Variants in AGAP1 observed in about 807,000 individuals in gnomAD.
The protein encoded by AGAP1 is ArfGAP with GTPase domain, ankyrin repeat and PH domain 1.
In AGAP1, 29 loss-of-function variants were observed where a neutral mutation model predicts 105.3. The observed-to-expected ratio is 0.28, with a 90% CI of 0.21 to 0.38. The LOEUF (loss-of-function observed/expected upper bound fraction) is 0.38. AGAP1 is among the 10% of genes least tolerant of loss of function. The probability of loss-of-function intolerance (pLI) is 1.00; values close to 1 mark genes in which losing one functional copy is unlikely to be tolerated. For missense variants in AGAP1, 998 were observed against 1,165.1 expected, an observed-to-expected ratio of 0.86 and a Z score of 2.09; for synonymous variants, 509 against 485.9, an observed-to-expected ratio of 1.05 and a Z score of -0.63.
intron 16 of AGAP1, among the ~76,000 whole-genome samples, chr2:236,111,388 C>T (rs1024536848): frequency 2.0e-5 from 3 of 151,798 alleles, no homozygotes; most frequent in African/African-American, 4.8e-5. Flanking sequence ...TGGTGGCACA[C>T]GCCTGTAGTT....
chr2:236,128,956 C>T lies in AGAP1; in HGVS notation c.*4834C>T, dbSNP rs79049988. 1.3e-5 allele frequency: 2 copies of T among 152,196 alleles called. No homozygotes were observed. Among genetic ancestry groups the T allele is most frequent in the African/African-American group, 4.8e-5 (2 of 41,448 alleles). 9.4% of individuals were successfully genotyped at this position (152,196 alleles called of 1,614,324 possible). A position where few individuals can be genotyped will look rare whatever the true frequency, so the allele number is the denominator to read the frequency against. On this transcript the variant is annotated 3_prime_UTR_variant, in exon 18 of 18. Transcript: ENST00000304032. This position sits in a 1 kb window ranked among gnomAD's most constrained non-coding sequence, Gnocchi z 5.9. ...ATTGAAAAGCAGTCAAGGAGGAGTT[C>T]AGATAGAAAAGTGCTGGAGATACAC...
At chr2:235,933,009 C>G (rs1357831858) in intron 12 of AGAP1, among the ~76,000 whole-genome samples, 1 of 152,158 alleles carries the variant, frequency 6.6e-6, no homozygotes, top group African/African-American at 2.4e-5. Flanking sequence ...GCTCCCTGAC[C>G]TCGTAAATCT....
Position 235,959,656 on chromosome 2 carries a change from C to A in AGAP1, c.1484-8806C>A, listed in dbSNP as rs73130474. On this transcript the variant is annotated intron_variant, in intron 12 of 17. Coordinates refer to ENST00000304032, the MANE Select transcript of AGAP1 (RefSeq NM_001037131.3). The surrounding 1 kb of genome is among the most constrained non-coding windows in gnomAD (Gnocchi z 7.3). ...TCTCCTGCCACGGCCCCCCTCAATT[C>A]ACATCCTAATTCACCCCGCCATCAC... Among the ~76,000 whole-genome samples, 3 of 152,212 alleles carry A rather than the reference C, an allele frequency of 2.0e-5. No individual in the cohort carries two copies. The highest frequency in any genetic ancestry group is 3.4e-3 in the Middle Eastern group (1 of 294).
rs535680113 is a variant in AGAP1, at chr2:235,970,866, G to A, written c.1645+2243G>A. ...GCTGAGTGAGTGGGATGGTATGTGT[G>A]TGCGAGGCAATAGTGGATACCCAGG... On this transcript the variant is annotated intron_variant, in intron 13 of 17. Transcript: ENST00000304032. The surrounding 1 kb of genome is among the most constrained non-coding windows in gnomAD (Gnocchi z 5.4). Among the ~76,000 whole-genome samples, 144 of 152,304 alleles carry A rather than the reference G, an allele frequency of 9.5e-4. No homozygotes were observed. The highest frequency in any genetic ancestry group is 1.4e-3 in the Non-Finnish European group (98 of 68,032).
intron 9 of AGAP1, among the ~76,000 whole-genome samples, chr2:235,880,947 C>A (rs947503824): frequency 2.0e-5 from 3 of 152,152 alleles, no homozygotes; most frequent in African/African-American, 7.2e-5. Context: ...TAGCATTTTC[C>A]TGTGGGCTTC....
At chr2:235,825,022 A>G (rs1283496543) in intron 9 of AGAP1, among the ~76,000 whole-genome samples, 1 of 152,234 alleles carries the variant, frequency 6.6e-6, no homozygotes, top group Admixed American at 6.5e-5. Context: ...CAATTCAGCA[A>G]GAATAACCAT....
At chr2:235,890,676 A>G (rs548103638) in intron 10 of AGAP1, among the ~76,000 whole-genome samples, 1 of 152,290 alleles carries the variant, frequency 6.6e-6, no homozygotes, top group East Asian at 1.9e-4. Context: ...CTCAGGCTAC[A>G]TCCGTTCTAG....
At position 235,789,189 on chromosome 2, in the gene AGAP1, G is replaced by T. The variant is rs1165159733; in HGVS notation, c.674-8570G>T. Among the ~76,000 whole-genome samples the T allele has an allele frequency of 6.6e-6, 1 of 152,114 alleles. No homozygotes were observed. The highest frequency in any genetic ancestry group is 1.9e-4 in the East Asian group (1 of 5,202). On this transcript the variant is annotated intron_variant, in intron 6 of 17. Coordinates refer to ENST00000304032, the MANE Select transcript of AGAP1 (RefSeq NM_001037131.3). The surrounding 1 kb of genome is among the most constrained non-coding windows in gnomAD (Gnocchi z 4.2). ...ATACACCATATTTGTTTCAGCACAGGGTTTTTGTTTTTGTTTTTAATTATG... is the reference window on the plus strand; with the variant it reads ...ATACACCATATTTGTTTCAGCACAGTGTTTTTGTTTTTGTTTTTAATTATG...
At position 235,753,464 on chromosome 2, in the gene AGAP1, G is replaced by C. The variant is rs1319768396; in HGVS notation, c.673+2976G>C. ...TCAGGCCTGTAATCCCAACACTTTG[G>C]GAGGCTGAGGAGGGCAGATCACCTG... is the stretch of plus-strand genomic sequence containing the variant. On this transcript the variant is annotated intron_variant, in intron 6 of 17. Coordinates refer to ENST00000304032, the MANE Select transcript of AGAP1 (RefSeq NM_001037131.3). This position sits in a 1 kb window ranked among gnomAD's most constrained non-coding sequence, Gnocchi z 4.5. 6.6e-6 allele frequency among the ~76,000 whole-genome samples: 1 copy of C among 152,086 alleles called. No homozygotes were observed. The highest frequency in any genetic ancestry group is 1.5e-5 in the Non-Finnish European group (1 of 68,022).
In AGAP1 at chr2:235,752,385, C is replaced by A. The variant is rs1953519244; in HGVS notation, c.673+1897C>A. On this transcript the variant is annotated intron_variant, in intron 6 of 17. Transcript: ENST00000304032. The surrounding 1 kb of genome is among the most constrained non-coding windows in gnomAD (Gnocchi z 4.3). Reference sequence around the variant, plus strand: ...TAGAGATGGGATTTTCACCATGTTGCCCAAGTTGGTCTCAAACTCCTGAGC... The same window carrying A: ...TAGAGATGGGATTTTCACCATGTTGACCAAGTTGGTCTCAAACTCCTGAGC... 6.6e-6 allele frequency among the ~76,000 whole-genome samples: 1 copy of A among 152,144 alleles called. No homozygotes were observed.
rs1012487036 is a variant in AGAP1, at chr2:235,866,781, T to A, written c.1051-16564T>A. Among the ~76,000 whole-genome samples the A allele has an allele frequency of 3.3e-5, 5 of 152,234 alleles. No individual in the cohort carries two copies. Among genetic ancestry groups the A allele is most frequent in the Non-Finnish European group, 7.3e-5 (5 of 68,044 alleles). ...TCTCTCCTTGGCTTGCAGACAGCCA[T>A]CTTCTCCCTGTGTCTTCACGTGGTC... On this transcript the variant is annotated intron_variant, in intron 9 of 17. Transcript: ENST00000304032. This position sits in a 1 kb window ranked among gnomAD's most constrained non-coding sequence, Gnocchi z 6.1.
chr2:235,771,868 TTTAC>T (rs1269444392), intron 6 of AGAP1, among the ~76,000 whole-genome samples: 6 of 152,308 alleles, frequency 3.9e-5, no homozygotes, highest in South Asian at 2.1e-4. Flanking sequence ...ATTCATCCTT[TTTAC>T]TTGTTTCGAG....
intron 16 of AGAP1, among the ~76,000 whole-genome samples, chr2:236,097,648 A>G (rs1187219752): frequency 1.3e-5 from 2 of 152,044 alleles, no homozygotes; most frequent in African/African-American, 4.8e-5. Context: ...TAATGCTGGC[A>G]CTTTGGGAGG....
At chr2:235,880,003 T>C (rs1045894958) in intron 9 of AGAP1, among the ~76,000 whole-genome samples, 4 of 150,280 alleles carry the variant, frequency 2.7e-5, no homozygotes, top group Non-Finnish European at 5.9e-5. Flanking sequence ...CCCAAGCTAC[T>C]CAGGAGGAAG....
At position 236,123,967 on chromosome 2, in the gene AGAP1, G is replaced by A. The variant is rs1449589613; in HGVS notation, c.2419G>A (p.Ala807Thr). 1.2e-6 allele frequency: 2 copies of A among 1,613,890 alleles called. No homozygotes were observed. Among genetic ancestry groups the A allele is most frequent in the East Asian group, 2.2e-5 (1 of 44,872 alleles). ...ARDAHGNTAL[A>T]YARQASSQEC... ...AGATGCCCACGGGAACACAGCTCTG[G>A]CCTACGCCCGGCAGGCCTCCAGCCA... Residue 807 changes from alanine (A) to threonine (T), a missense_variant, in exon 18 of 18, where the codon GCC (alanine) becomes ACC (threonine). By Grantham distance (58) the Ala-to-Thr change is moderately conservative. Coordinates refer to ENST00000304032, the MANE Select transcript of AGAP1 (RefSeq NM_001037131.3). This position sits in a 1 kb window ranked among gnomAD's most constrained non-coding sequence, Gnocchi z 4.6.
intron 16 of AGAP1, among the ~76,000 whole-genome samples, chr2:236,102,061 C>G (rs1019025291): frequency 6.6e-6 from 1 of 152,168 alleles, no homozygotes; most frequent in South Asian, 2.1e-4. Context: ...GCAGGCAGAT[C>G]TCTTGAGGCC....
At chr2:235,759,457 CCG>C (rs551725362) in intron 6 of AGAP1, among the ~76,000 whole-genome samples, 103 of 152,340 alleles carry the variant, frequency 6.8e-4, no homozygotes, top group South Asian at 1.9e-3. Context: ...GCGTGAGCCA[CCG>C]CGCCCGGCCC....
intron 13 of AGAP1, among the ~76,000 whole-genome samples, chr2:236,019,773 C>T (rs1360262728): frequency 6.6e-6 from 1 of 152,236 alleles, no homozygotes; most frequent in Non-Finnish European, 1.5e-5. Context: ...ATCATCATCT[C>T]CAGCAGAGGA....
At chr2:235,670,477 C>T (rs1358408115) in intron 1 of AGAP1, 2 of 520,146 alleles carry the variant, frequency 3.8e-6, no homozygotes, top group South Asian at 2.3e-5. Flanking sequence ...GCGCCCCGGC[C>T]GAGGAGGAGG....
Sources: allele counts gnomAD v4.1 joint callset (sites outside exome capture counted in the v4.1 genomes callset), GRCh38; gene constraint gnomAD v4.1.1; non-coding constraint Gnocchi (gnomAD v3.1); transcripts MANE v1.5; gene names NCBI Gene and HGNC (gene_info 2026-07-23, HGNC 2026-07-21).